The following SDK1 variants were observed in gnomAD, a reference collection of about 807,000 sequenced individuals.
SDK1 encodes the protein sidekick cell adhesion molecule 1, also known as protein sidekick-1.
Under a neutral mutation model 245.5 loss-of-function variants are expected in SDK1, and 157 were observed. The observed-to-expected ratio is 0.64, with a 90% confidence interval of 0.56 to 0.73. The LOEUF is 0.73. Among genes scored for constraint, SDK1 ranks in the 30% least tolerant of loss-of-function variants. The probability of loss-of-function intolerance (pLI) is 0.00; values close to 1 mark genes in which losing one functional copy is unlikely to be tolerated. For missense variants in SDK1, 3,583 were observed against 3,002.3 expected (o/e 1.19, Z -4.52); for synonymous variants, 1,647 against 1,278.5 (o/e 1.29, Z -6.15).
chr7:3,901,512 A>G (rs1189210883), intron 5 of SDK1, among the ~76,000 whole-genome samples: 1 of 152,182 alleles, frequency 6.6e-6, no homozygotes, highest in African/African-American at 2.4e-5. Context: ...TTGTCAGTGC[A>G]CCACATCAGA....
At chr7:4,254,432 T>C (rs1026613495) in intron 44 of SDK1, among the ~76,000 whole-genome samples, 2 of 152,184 alleles carry the variant, frequency 1.3e-5, no homozygotes, top group Admixed American at 1.3e-4. Flanking sequence ...ATTTCAGTTA[T>C]TGTATTTTTC....
At chr7:4,210,336 C>T (rs913279396) in intron 38 of SDK1, among the ~76,000 whole-genome samples, 174 bp downstream of exon 38, 1 of 152,118 alleles carries the variant, frequency 6.6e-6, no homozygotes, top group Admixed American at 6.6e-5. Flanking sequence ...GCGAGGGGAG[C>T]GGGGACTCGC....
At chr7:3,994,190 CAT>C (rs1226371876) in intron 14 of SDK1, among the ~76,000 whole-genome samples, 5 of 152,180 alleles carry the variant, frequency 3.3e-5, no homozygotes, top group East Asian at 3.8e-4. Context: ...ATAAGTCCCT[CAT>C]GTGTATTTCT....
intron 1 of SDK1, among the ~76,000 whole-genome samples, chr7:3,499,103 A>C (rs1782114387): frequency 6.6e-6 from 1 of 152,170 alleles, no homozygotes; most frequent in Admixed American, 6.5e-5. Context: ...CCCTTTCTAC[A>C]ACTCTTGATT....
At chr7:3,431,358 G>T (rs1262608534) in intron 1 of SDK1, among the ~76,000 whole-genome samples, 4 of 118,362 alleles carry the variant, frequency 3.4e-5, no homozygotes, top group East Asian at 2.4e-4. Flanking sequence ...AATGTGGGAG[G>T]TTTTTTTTTT....
intron 1 of SDK1, among the ~76,000 whole-genome samples, chr7:3,563,626 C>G (rs1472139324): frequency 1.3e-5 from 2 of 152,162 alleles, no homozygotes; most frequent in African/African-American, 4.8e-5. Flanking sequence ...ACACACTGTT[C>G]TCAGAAATTA....
intron 1 of SDK1, among the ~76,000 whole-genome samples, chr7:3,335,141 T>G (rs1334114664): frequency 6.6e-6 from 1 of 152,220 alleles, no homozygotes; most frequent in Non-Finnish European, 1.5e-5. Context: ...GCCCTAACTT[T>G]TAACTTCTGT....
intron 1 of SDK1, among the ~76,000 whole-genome samples, chr7:3,544,772 C>G (rs1779164549): frequency 6.6e-6 from 1 of 152,174 alleles, no homozygotes; most frequent in African/African-American, 2.4e-5. Flanking sequence ...CAAGAAATCT[C>G]AGTGGCTTAA....
intron 1 of SDK1, among the ~76,000 whole-genome samples, chr7:3,458,081 G>A (rs1485461369): frequency 1.3e-5 from 2 of 151,982 alleles, no homozygotes; most frequent in Non-Finnish European, 2.9e-5. Flanking sequence ...TTTTGTGTGT[G>A]TGTGTTTTTC....
At chr7:3,348,796 C>T (rs898955464) in intron 1 of SDK1, among the ~76,000 whole-genome samples, 13 of 152,114 alleles carry the variant, frequency 8.5e-5, no homozygotes, top group African/African-American at 1.2e-4. Context: ...TAAAAAGTGC[C>T]AAGTACTATG....
At chr7:3,633,663 C>T (rs531216538) in intron 2 of SDK1, among the ~76,000 whole-genome samples, 7 of 152,034 alleles carry the variant, frequency 4.6e-5, no homozygotes, top group Admixed American at 1.3e-4. Context: ...TTGCTATGAC[C>T]GTGGTGAGCA....
intron 5 of SDK1, among the ~76,000 whole-genome samples, chr7:3,845,842 T>C (rs1399566767): frequency 6.6e-6 from 1 of 152,212 alleles, no homozygotes; most frequent in Non-Finnish European, 1.5e-5. Flanking sequence ...CTGGTACATT[T>C]AGAAAGCGGA....
Position 4,268,698 on chromosome 7 carries a change from G to C in SDK1, c.*3314G>C. 1 of 1,367,860 alleles carries C rather than the reference G, an allele frequency of 7.3e-7. No individual in the cohort carries two copies. Among genetic ancestry groups the C allele is most frequent in the Middle Eastern group, 2.1e-4 (1 of 4,768 alleles). 84.7% of individuals were successfully genotyped at this position (1,367,860 alleles called of 1,614,324 possible). A position where few individuals can be genotyped will look rare whatever the true frequency, so the allele number is the denominator to read the frequency against. ...CACAGTGTAGCTATCCTCCTGACGA[G>C]CAACCCGTCTGCGTACCTAAGTGTG... On this transcript the variant is annotated 3_prime_UTR_variant, in exon 45 of 45. Coordinates refer to ENST00000404826, the MANE Select transcript of SDK1 (RefSeq NM_152744.4).
intron 1 of SDK1, among the ~76,000 whole-genome samples, chr7:3,304,517 G>A (rs941124247): frequency 5.9e-5 from 9 of 152,174 alleles, no homozygotes; most frequent in African/African-American, 2.2e-4. Flanking sequence ...GGCCTAGAAA[G>A]GATAGGAATG....
chr7:4,267,261 C>A lies in SDK1; in HGVS notation c.*1877C>A. ...CTCTTCTTTCCTCCCTCCCTCCCTC[C>A]TTCCCTCCCTTCCTTCCTCTCTTTC... is the stretch of plus-strand genomic sequence containing the variant. On this transcript the variant is annotated 3_prime_UTR_variant, in exon 45 of 45. Coordinates refer to ENST00000404826, the MANE Select transcript of SDK1 (RefSeq NM_152744.4). The A allele has an allele frequency of 1.6e-6, 1 of 643,034 alleles. No individual in the cohort carries two copies. The highest frequency in any genetic ancestry group is 1.9e-6 in the Non-Finnish European group (1 of 518,902). The allele number at this position is 643,034 out of a possible 1,614,324, so 39.8% of individuals were successfully genotyped here.
At chr7:3,646,059 A>G (rs1484552887) in intron 4 of SDK1, among the ~76,000 whole-genome samples, 1 of 152,096 alleles carries the variant, frequency 6.6e-6, no homozygotes, top group East Asian at 1.9e-4. Flanking sequence ...GGGTTTCACC[A>G]TGCTGGCCAG....
chr7:3,658,881 G>C (rs983350260), intron 4 of SDK1, among the ~76,000 whole-genome samples: 2 of 152,114 alleles, frequency 1.3e-5, no homozygotes, highest in African/African-American at 4.8e-5. Context: ...GCCTCTCAAA[G>C]TGCTGGGATT....
intron 4 of SDK1, among the ~76,000 whole-genome samples, chr7:3,775,592 C>CA (rs1436144150): frequency 1.4e-5 from 2 of 145,500 alleles, no homozygotes; most frequent in Admixed American, 6.9e-5. Context: ...TTTTTTGAGA[C>CA]AGAGTCTTGC....
chr7:3,467,073 T>C (rs1232029854), intron 1 of SDK1, among the ~76,000 whole-genome samples: 1 of 145,750 alleles, frequency 6.9e-6, no homozygotes, highest in African/African-American at 2.6e-5. Flanking sequence ...AGGAAAGACA[T>C]CAAAATGGTA....
Sources: gnomAD v4.1 joint callset for allele counts (sites outside exome capture counted in the v4.1 genomes callset) on GRCh38, gnomAD v4.1.1 for gene constraint, MANE v1.5 for transcripts, NCBI Gene and HGNC (gene_info 2026-07-23, HGNC 2026-07-21) for gene names.